FNBP1L: variants seen among roughly 807,000 people sequenced by gnomAD.
The protein encoded by FNBP1L is formin binding protein 1 like.
In FNBP1L, 36 loss-of-function variants were observed where a neutral mutation model predicts 91.2. The observed-to-expected ratio is 0.39, with a 90% CI of 0.30 to 0.52. The LOEUF is 0.52. Ranked by LOEUF, FNBP1L falls within the 20% of genes least tolerant of loss-of-function variation. FNBP1L has a pLI of 0.66. For missense variants in FNBP1L, 571 were observed against 732.1 expected, an observed-to-expected ratio of 0.78 and a Z score of 2.54; for synonymous variants, 242 against 237.0, an observed-to-expected ratio of 1.02 and a Z score of -0.19.
chr1:93,488,619 C>G (rs529905965), intron 1 of FNBP1L, among the ~76,000 whole-genome samples: 52 of 152,168 alleles, frequency 3.4e-4, no homozygotes, highest in African/African-American at 1.1e-3. Flanking sequence ...GGCATTCTGG[C>G]GCTCACACAC....
chr1:93,505,647 C>T (rs765594709), intron 2 of FNBP1L, among the ~76,000 whole-genome samples: 2 of 152,182 alleles, frequency 1.3e-5, no homozygotes, highest in Non-Finnish European at 2.9e-5. Context: ...TTCCTTATTA[C>T]GGCTAGCAGA....
At chr1:93,542,073 A>C (rs1672064534) in intron 11 of FNBP1L, among the ~76,000 whole-genome samples, 3 of 152,148 alleles carry the variant, frequency 2.0e-5, no homozygotes, top group African/African-American at 7.2e-5. Context: ...GATTTTTAGA[A>C]ATATTTTTAA....
intron 1 of FNBP1L, among the ~76,000 whole-genome samples, chr1:93,468,036 G>C (rs1669150911): frequency 6.6e-6 from 1 of 152,106 alleles, no homozygotes; most frequent in African/African-American, 2.4e-5. Flanking sequence ...TGTAACCACT[G>C]ATCTTTTTAC....
At chr1:93,449,165 C>T (rs1412309274) in intron 1 of FNBP1L, among the ~76,000 whole-genome samples, 2 of 152,230 alleles carry the variant, frequency 1.3e-5, no homozygotes, top group Non-Finnish European at 2.9e-5. Flanking sequence ...ACAGGAGGCT[C>T]CAGACAATGC....
At chr1:93,523,266 T>C in intron 3 of FNBP1L, 78 bp from the exon 4 acceptor site, 1 of 1,397,636 alleles carries the variant, frequency 7.2e-7, no homozygotes, top group Non-Finnish European at 9.4e-7. Context: ...TTGCGAAATG[T>C]TAGATTCAGT....
chr1:93,535,058 A>G (rs556573464), intron 9 of FNBP1L, 150 bp downstream of exon 9: 6 of 657,252 alleles, frequency 9.1e-6, no homozygotes, highest in Middle Eastern at 4.1e-4. Flanking sequence ...TATTAGGAAT[A>G]CCTTAACAGT....
chr1:93,511,554 G>C (rs577029362), intron 2 of FNBP1L, among the ~76,000 whole-genome samples: 91 of 152,272 alleles, frequency 6.0e-4, no homozygotes, highest in Non-Finnish European at 1.1e-3. Flanking sequence ...CAACTAATGA[G>C]CAAAATAACC....
chr1:93,543,605 G>A (rs993194740), intron 11 of FNBP1L, among the ~76,000 whole-genome samples: 1 of 152,052 alleles, frequency 6.6e-6, no homozygotes, highest in South Asian at 2.1e-4. Context: ...GTCTTTGTGA[G>A]GTAAGTTTCT....
chr1:93,547,279 T>C (rs1483548201), intron 13 of FNBP1L, 68 bp from the exon 14 acceptor site: 1 of 1,219,130 alleles, frequency 8.2e-7, no homozygotes, highest in Non-Finnish European at 1.2e-6. Context: ...ACATTTTAAA[T>C]GTAGATATCT....
intron 1 of FNBP1L, among the ~76,000 whole-genome samples, chr1:93,483,175 G>A (rs1186885756): frequency 7.7e-6 from 1 of 129,764 alleles, no homozygotes; most frequent in East Asian, 2.2e-4. Flanking sequence ...AGGCAACAGA[G>A]TGAGACCCTG....
At position 93,550,928 on chromosome 1, in the gene FNBP1L, T is replaced by C; in HGVS notation, c.1652-19T>C. The C allele has an allele frequency of 1.3e-6, 2 of 1,521,462 alleles. No homozygotes were observed. Among genetic ancestry groups the C allele is most frequent in the Non-Finnish European group, 8.8e-7 (1 of 1,131,284 alleles). 94.2% of individuals were successfully genotyped at this position (1,521,462 alleles called of 1,614,324 possible). ...ATTATCACAATGCTTAAATTATGCT[T>C]GTGAAAACTCTCATCTAGGACATAA... On this transcript the variant is annotated intron_variant, in intron 15 of 16. Coordinates refer to ENST00000271234, the MANE Select transcript of FNBP1L (RefSeq NM_001164473.3).
chr1:93,510,200 A>C (rs1670779036), intron 2 of FNBP1L, among the ~76,000 whole-genome samples: 1 of 152,186 alleles, frequency 6.6e-6, no homozygotes, highest in Admixed American at 6.5e-5. Context: ...GCAGACTTAA[A>C]AGTCCCTGTC....
At chr1:93,457,355 G>T (rs796137730) in intron 1 of FNBP1L, among the ~76,000 whole-genome samples, 1 of 152,056 alleles carries the variant, frequency 6.6e-6, no homozygotes, top group South Asian at 2.1e-4. Flanking sequence ...ATCCTTCCGT[G>T]GTTAGTTGCA....
intron 2 of FNBP1L, among the ~76,000 whole-genome samples, chr1:93,507,298 T>G: frequency 6.6e-6 from 1 of 151,998 alleles, no homozygotes; most frequent in Non-Finnish European, 1.5e-5. Context: ...TAAAAACATG[T>G]CTTACACATA....
chr1:93,538,617 A>AT (rs1350041155), intron 10 of FNBP1L, among the ~76,000 whole-genome samples: 1 of 151,804 alleles, frequency 6.6e-6, no homozygotes, highest in Non-Finnish European at 1.5e-5. Flanking sequence ...ACCTATAGAG[A>AT]TTTTTTTTCC....
chr1:93,470,495 TCTGA>T (rs1424940184), intron 1 of FNBP1L, among the ~76,000 whole-genome samples: 3 of 152,238 alleles, frequency 2.0e-5, no homozygotes, highest in Non-Finnish European at 4.4e-5. Flanking sequence ...TTCTCTTGTC[TCTGA>T]CTATGGATGG....
rs372064931 is a variant in FNBP1L at position 93,449,279 on chromosome 1, G to A, written c.24+974G>A. 6.0e-5 allele frequency among the ~76,000 whole-genome samples: 9 copies of A among 149,604 alleles called. No homozygotes were observed. In the South Asian group the frequency reaches 1.7e-3, roughly 28 times the overall value. ...TGTGGAGGGCAGTGATTTCTCAGGT[G>A]CGGAGGGCAGTGATTTCTCAGGTGC... On this transcript the variant is annotated intron_variant, in intron 1 of 16. Transcript: ENST00000271234.
intron 1 of FNBP1L, among the ~76,000 whole-genome samples, chr1:93,491,122 A>AT (rs1217420883): frequency 1.3e-5 from 2 of 151,276 alleles, no homozygotes; most frequent in Non-Finnish European, 2.9e-5. Flanking sequence ...TTAAAAAATT[A>AT]TTTTTTTTAG....
intron 2 of FNBP1L, among the ~76,000 whole-genome samples, chr1:93,509,259 A>C (rs1484204528): frequency 3.9e-5 from 6 of 152,182 alleles, no homozygotes; most frequent in Non-Finnish European, 2.9e-5. Context: ...TCCATGTGGT[A>C]ACTCGAGGAT....
Sources: allele counts gnomAD v4.1 joint callset (sites outside exome capture counted in the v4.1 genomes callset), GRCh38; gene constraint gnomAD v4.1.1; transcripts MANE v1.5; gene names NCBI Gene and HGNC (gene_info 2026-07-23, HGNC 2026-07-21).